Variants in RLN2 observed in about 807,000 individuals in gnomAD.
RLN2 encodes the protein prorelaxin H2.
RLN2 carries 10 observed loss-of-function variants against 7.3 expected under a neutral mutation model. That is an observed-to-expected ratio of 1.36 (90% CI 0.84 to 2.31). RLN2 has a LOEUF of 2.31. RLN2 is among the 30% of genes most tolerant of loss of function. RLN2 has a pLI of 0.00. For synonymous variants in RLN2, 103 were observed against 82.3 expected (o/e 1.25, Z -1.36); for missense variants, 298 against 217.6 (o/e 1.37, Z -2.32).
At chr9:5,302,502 G>A (rs552616487) in intron 1 of RLN2, among the ~76,000 whole-genome samples, 2 of 152,242 alleles carry the variant, frequency 1.3e-5, no homozygotes, top group East Asian at 1.9e-4. Flanking sequence ...CTTCCAAAAC[G>A]ATTCCTACCT....
the RLN2 span, chr9:5,335,596 T>G: frequency 6.3e-7 from 1 of 1,588,182 alleles, no homozygotes; most frequent in Non-Finnish European, 8.6e-7. Flanking sequence ...ATGGTACAAT[T>G]TCTGTTAAGT....
At chr9:5,307,082 T>C (rs967046447), upstream of RLN2, among the ~76,000 whole-genome samples, 3 of 152,036 alleles carry the variant, frequency 2.0e-5, no homozygotes, top group African/African-American at 7.3e-5. Context: ...GGAAGGTCTA[T>C]ATGCTTAGAC....
At chr9:5,336,989 AAAAAC>A in the RLN2 span, among the ~76,000 whole-genome samples, 44 of 152,110 alleles carry the variant, frequency 2.9e-4, 2 homozygotes, top group African/African-American at 8.4e-4. Context: ...CAGAGCAATA[AAAAAC>A]AAAACAAAAC....
At chr9:5,308,435 A>T (rs1443275735), upstream of RLN2, among the ~76,000 whole-genome samples, 4 of 151,930 alleles carry the variant, frequency 2.6e-5, no homozygotes, top group Non-Finnish European at 5.9e-5. Context: ...GAAATTCAAA[A>T]ACAAAAACAA....
chr9:5,314,392 G>A, the RLN2 span, among the ~76,000 whole-genome samples: 1 of 151,938 alleles, frequency 6.6e-6, no homozygotes, highest in Non-Finnish European at 1.5e-5. Flanking sequence ...GAAGGCTTGA[G>A]CTGAAATGGC....
At chr9:5,327,103 C>A in the RLN2 span, among the ~76,000 whole-genome samples, 1 of 151,952 alleles carries the variant, frequency 6.6e-6, no homozygotes, top group South Asian at 2.1e-4. Context: ...TCACCTCACC[C>A]GGGAAATGCA....
At chr9:5,327,109 A>G in the RLN2 span, among the ~76,000 whole-genome samples, 1 of 152,022 alleles carries the variant, frequency 6.6e-6, no homozygotes, top group Non-Finnish European at 1.5e-5. Context: ...CACCCGGGAA[A>G]TGCAAGGTTG....
chr9:5,327,848 C>A, the RLN2 span, among the ~76,000 whole-genome samples: 2 of 151,968 alleles, frequency 1.3e-5, no homozygotes, highest in Non-Finnish European at 2.9e-5. Context: ...AACTAATAAA[C>A]GGAAATGAAT....
the RLN2 span, among the ~76,000 whole-genome samples, chr9:5,328,272 C>T: frequency 3.3e-5 from 5 of 152,044 alleles, 1 homozygote; most frequent in South Asian, 4.2e-4. Flanking sequence ...CATGCACAAG[C>T]TTCAATTGCT....
At chr9:5,324,949 G>T in the RLN2 span, among the ~76,000 whole-genome samples, 12 of 151,952 alleles carry the variant, frequency 7.9e-5, no homozygotes, top group African/African-American at 2.7e-4. Context: ...ATTCTGAGGC[G>T]TTGCTTTGCA....
chr9:5,328,188 T>A, the RLN2 span, among the ~76,000 whole-genome samples: 1 of 151,974 alleles, frequency 6.6e-6, no homozygotes, highest in African/African-American at 2.4e-5. Context: ...AATGGCTAAC[T>A]AGAATAAACA....
the RLN2 span, among the ~76,000 whole-genome samples, chr9:5,331,610 T>A: frequency 7.6e-6 from 1 of 131,604 alleles, no homozygotes; most frequent in African/African-American, 2.9e-5. Context: ...AGGTGGGAAT[T>A]GAACAATGAG....
chr9:5,313,017 A>G, the RLN2 span, among the ~76,000 whole-genome samples: 1 of 152,006 alleles, frequency 6.6e-6, no homozygotes, highest in African/African-American at 2.4e-5. Context: ...AGCATGAAAA[A>G]TGTTTTGTGT....
At position 5,304,673 on chromosome 9, in the gene RLN2, C is replaced by T. The variant is rs796921558; in HGVS notation, c.-93G>A. Reference sequence around the variant, plus strand: ...CACACCTGGGCCTGTGTGCCTGTCCCGGGCTTTAGGCTGCTTTCCCTACCC... The same window carrying T: ...CACACCTGGGCCTGTGTGCCTGTCCTGGGCTTTAGGCTGCTTTCCCTACCC... On this transcript the variant is annotated 5_prime_UTR_variant, in exon 1 of 2. Coordinates refer to ENST00000381627, the MANE Select transcript of RLN2 (RefSeq NM_134441.3). The T allele has an allele frequency of 1.5e-6, 2 of 1,335,934 alleles. No individual in the cohort carries two copies. Among genetic ancestry groups the T allele is most frequent in the Middle Eastern group, 1.9e-4 (1 of 5,154 alleles). The allele number at this position is 1,335,934 out of a possible 1,614,324, so 82.8% of individuals were successfully genotyped here. A position where few individuals can be genotyped will look rare whatever the true frequency, so the allele number is the denominator to read the frequency against.
Position 5,300,078 on chromosome 9 carries a change from T to C in RLN2, c.*20A>G, listed in dbSNP as rs1291437019. On this transcript the variant is annotated 3_prime_UTR_variant, in exon 2 of 2. Transcript: ENST00000381627. ...GAATATGTGTGAATATTATACGAGA[T>C]GTGCACAATTAGCTTCATCTCAGCA... 5 of 1,436,990 alleles carry C rather than the reference T, an allele frequency of 3.5e-6. No homozygotes were observed. The highest frequency in any genetic ancestry group is 1.8e-4 in the Middle Eastern group (1 of 5,618). 89.0% of individuals were successfully genotyped at this position (1,436,990 alleles called of 1,614,324 possible).
chr9:5,335,395 A>T, the RLN2 span: 1 of 1,613,740 alleles, frequency 6.2e-7, no homozygotes, highest in Non-Finnish European at 8.5e-7. Context: ...CTGCGGCTTC[A>T]CTTTGCCTAT....
chr9:5,300,058 T>C lies in RLN2; in HGVS notation c.*40A>G. 1.6e-6 allele frequency: 2 copies of C among 1,238,606 alleles called. No individual in the cohort carries two copies. Among genetic ancestry groups the C allele is most frequent in the Non-Finnish European group, 1.1e-6 (1 of 873,572 alleles). The allele number at this position is 1,238,606 out of a possible 1,614,324, so 76.7% of individuals were successfully genotyped here. A position where few individuals can be genotyped will look rare whatever the true frequency, so the allele number is the denominator to read the frequency against. On this transcript the variant is annotated 3_prime_UTR_variant, in exon 2 of 2. Transcript: ENST00000381627. ...CATCAGTGAAATGTCATTAAGAATA[T>C]GTGTGAATATTATACGAGATGTGCA...
the RLN2 span, among the ~76,000 whole-genome samples, chr9:5,317,653 A>G: frequency 6.6e-6 from 1 of 151,964 alleles, no homozygotes; most frequent in African/African-American, 2.4e-5. Context: ...TATTACAAAT[A>G]CAAACAATGG....
rs781352294 is a variant in RLN2 at position 5,300,334 on chromosome 9, CT to C, written c.321del (p.Ala108HisfsTer12). The C allele has an allele frequency of 6.2e-7, 1 of 1,613,818 alleles. No homozygotes were observed. ...ELKLTLSEMQ[P>X]ALPQLQQHVP... is the part of the protein sequence containing the mutation. ...ACATGTTGTTGTAGCTGTGGTAATG[CT>C]GGCTGCATCTCAGACAGGGTTAACT... is the stretch of plus-strand genomic sequence containing the variant. On this transcript the variant is annotated frameshift_variant, in exon 2 of 2. Transcript: ENST00000381627. LOFTEE classifies it low-confidence loss of function (END_TRUNC).
Sources: gnomAD v4.1 joint callset for allele counts (sites outside exome capture counted in the v4.1 genomes callset) on GRCh38, gnomAD v4.1.1 for gene constraint, MANE v1.5 for transcripts, NCBI Gene and HGNC (gene_info 2026-07-23, HGNC 2026-07-21) for gene names.